XKR4: variants seen among roughly 807,000 people sequenced by gnomAD.
The protein encoded by XKR4 is XK related 4, also known as XK-related protein 4.
XKR4 carries 12 observed loss-of-function variants against 53.9 expected under a neutral mutation model. The observed-to-expected ratio is 0.22, with a 90% CI of 0.14 to 0.36. The LOEUF (loss-of-function observed/expected upper bound fraction) is 0.36, where lower values mean the gene tolerates loss of function less well. Ranked by LOEUF, XKR4 falls within the 10% of genes least tolerant of loss-of-function variation. XKR4 has a pLI of 1.00. For missense variants in XKR4, 799 were observed against 859.5 expected (o/e 0.93, Z 0.88); for synonymous variants, 354 against 362.4 (o/e 0.98, Z 0.26).
chr8:55,424,316 T>G (rs755367310), intron 2 of XKR4, among the ~76,000 whole-genome samples: 1 of 152,230 alleles, frequency 6.6e-6, no homozygotes, highest in Admixed American at 6.5e-5. Context: ...ACCATAACCA[T>G]AATTGTTATA....
At chr8:55,175,317 A>G (rs1817214716) in intron 1 of XKR4, among the ~76,000 whole-genome samples, 1 of 152,218 alleles carries the variant, frequency 6.6e-6, no homozygotes, top group South Asian at 2.1e-4. Context: ...GACAGAAAGC[A>G]GTTTTATATT....
intron 2 of XKR4, chr8:55,454,462 C>T (rs143846986): frequency 6.7e-6 from 8 of 1,185,964 alleles, no homozygotes; most frequent in East Asian, 5.1e-5. Flanking sequence ...GGAAGAGAAC[C>T]TCGTGCTCCA....
chr8:55,436,180 T>C (rs1474830441), intron 2 of XKR4, among the ~76,000 whole-genome samples: 1 of 152,196 alleles, frequency 6.6e-6, no homozygotes, highest in Non-Finnish European at 1.5e-5. Context: ...TGAGGAACAT[T>C]TTTCTTATTA....
At chr8:55,383,277 C>T (rs1394582548) in intron 2 of XKR4, among the ~76,000 whole-genome samples, 2 of 152,194 alleles carry the variant, frequency 1.3e-5, no homozygotes, top group South Asian at 2.1e-4. Flanking sequence ...GCATTTGATG[C>T]GGCCTTTGCA....
At chr8:55,301,896 C>CTTAT (rs1199250381) in intron 1 of XKR4, among the ~76,000 whole-genome samples, 21 of 152,214 alleles carry the variant, frequency 1.4e-4, no homozygotes, top group African/African-American at 4.6e-4. Context: ...TGGATATTAG[C>CTTAT]CCTTTGTCAG....
At position 55,534,363 on chromosome 8, in the gene XKR4, C is replaced by CGTTTTTTTTTT. The variant is rs1418801179; in HGVS notation, c.*10136_*10137insGTTTTTTTTTT. 1.9e-4 allele frequency: 9 copies of CGTTTTTTTTTT among 47,134 alleles called. No homozygotes were observed. The highest frequency in any genetic ancestry group is 3.0e-4 in the Non-Finnish European group (8 of 26,632). The allele number at this position is 47,134 out of a possible 1,614,324, so 2.9% of individuals were successfully genotyped here. On this transcript the variant is annotated 3_prime_UTR_variant, in exon 3 of 3. Transcript: ENST00000327381. ...GCTCAAAGATCACGAATCTGATATT[C>CGTTTTTTTTTT]TTTTTTTTTTTTTTTTTTTTTTTTT... is the stretch of plus-strand genomic sequence containing the variant.
At chr8:55,228,299 A>G (rs1650572877) in intron 1 of XKR4, among the ~76,000 whole-genome samples, 1 of 152,214 alleles carries the variant, frequency 6.6e-6, no homozygotes, top group Admixed American at 6.5e-5. Flanking sequence ...TGAATATGGC[A>G]TATTTCACGA....
At chr8:55,215,120 T>C (rs1350309952) in intron 1 of XKR4, among the ~76,000 whole-genome samples, 1 of 152,172 alleles carries the variant, frequency 6.6e-6, no homozygotes, top group African/African-American at 2.4e-5. Flanking sequence ...TTGTTATTTT[T>C]TCCCTTACTC....
chr8:55,462,285 A>G (rs571150549), intron 2 of XKR4, among the ~76,000 whole-genome samples: 21 of 152,284 alleles, frequency 1.4e-4, no homozygotes, highest in Admixed American at 3.9e-4. Context: ...CTTGGCAGAA[A>G]CTCTACAAAC....
chr8:55,453,077 C>T (rs556556611), intron 2 of XKR4: 105 of 577,468 alleles, frequency 1.8e-4, no homozygotes, highest in African/African-American at 1.7e-3. Flanking sequence ...GCCTGATCCT[C>T]GGTGGGCTCC....
chr8:55,392,867 T>C (rs569527929), intron 2 of XKR4, among the ~76,000 whole-genome samples: 1 of 152,134 alleles, frequency 6.6e-6, no homozygotes, highest in South Asian at 2.1e-4. Context: ...TTCAACATTT[T>C]GGAATTAACT....
At chr8:55,428,939 T>C (rs1805057674) in intron 2 of XKR4, among the ~76,000 whole-genome samples, 1 of 152,196 alleles carries the variant, frequency 6.6e-6, no homozygotes, top group Admixed American at 6.5e-5. Flanking sequence ...AACATTTACA[T>C]GGAAAAGCAA....
chr8:55,164,500 C>A, intron 1 of XKR4: 3 of 452,120 alleles, frequency 6.6e-6, no homozygotes, highest in South Asian at 3.1e-5. Context: ...AGCTCAATGT[C>A]CTGAGCTTGC....
chr8:55,487,410 A>G (rs915476366), intron 2 of XKR4, among the ~76,000 whole-genome samples: 28 of 152,068 alleles, frequency 1.8e-4, no homozygotes, highest in Admixed American at 6.6e-5. Context: ...TGCCTCTGGA[A>G]ACACCCTCAC....
At chr8:55,483,075 G>A (rs1806135946) in intron 2 of XKR4, among the ~76,000 whole-genome samples, 1 of 152,120 alleles carries the variant, frequency 6.6e-6, no homozygotes, top group Non-Finnish European at 1.5e-5. Context: ...CATTCAGGTG[G>A]TGGTAGACAT....
chr8:55,396,399 G>GTTTTTTTTTTTTTTTTTTTTT (rs71256534), intron 2 of XKR4, among the ~76,000 whole-genome samples: 17 of 88,746 alleles, frequency 1.9e-4, no homozygotes, highest in East Asian at 3.4e-4. Context: ...TTTTTGTTTG[G>GTTTTTTTTTTTTTTTTTTTTT]TTTTTTTTTT....
At chr8:55,404,312 A>T (rs773564140) in intron 2 of XKR4, among the ~76,000 whole-genome samples, 1 of 152,214 alleles carries the variant, frequency 6.6e-6, no homozygotes, top group Non-Finnish European at 1.5e-5. Flanking sequence ...ATCACATGAC[A>T]CATAGAGTCA....
At chr8:55,303,783 G>A (rs549133763) in intron 1 of XKR4, among the ~76,000 whole-genome samples, 13 of 152,240 alleles carry the variant, frequency 8.5e-5, no homozygotes, top group African/African-American at 2.2e-4. Context: ...GTTTATTTGC[G>A]TAGACGTGTT....
intron 1 of XKR4, among the ~76,000 whole-genome samples, chr8:55,305,431 T>G (rs1199122504): frequency 1.3e-5 from 2 of 152,098 alleles, no homozygotes; most frequent in Admixed American, 6.6e-5. Flanking sequence ...ACAGAGAGAC[T>G]TCTCATCTCT....
Sources: gnomAD v4.1 joint callset for allele counts (sites outside exome capture counted in the v4.1 genomes callset) on GRCh38, gnomAD v4.1.1 for gene constraint, MANE v1.5 for transcripts, NCBI Gene and HGNC (gene_info 2026-07-23, HGNC 2026-07-21) for gene names.